The following TBCA variants were observed in gnomAD, a reference collection of about 807,000 sequenced individuals.
TBCA encodes tubulin folding cofactor A, also known as tubulin-specific chaperone A.
A neutral mutation model predicts 15.8 loss-of-function variants in TBCA; 6 were observed. That is an observed-to-expected ratio of 0.38 (90% CI 0.21 to 0.75). TBCA has a LOEUF of 0.75. TBCA is among the 30% of genes least tolerant of loss of function. The pLI is 0.46. For missense variants in TBCA, 90 were observed against 131.2 expected (o/e 0.69, Z 1.53); for synonymous variants, 32 against 42.3 (o/e 0.76, Z 0.94).
At chr5:77,709,554 G>C (rs1354585054) in intron 1 of TBCA, among the ~76,000 whole-genome samples, 2 of 152,204 alleles carry the variant, frequency 1.3e-5, no homozygotes, top group Non-Finnish European at 2.9e-5. Flanking sequence ...CAAGGATGCA[G>C]AGAAATTGGA....
chr5:77,696,859 C>T (rs903927683), intron 2 of TBCA, among the ~76,000 whole-genome samples: 2 of 152,130 alleles, frequency 1.3e-5, no homozygotes, highest in Non-Finnish European at 2.9e-5. Context: ...TGGGAGGTTA[C>T]AATGAGCTAT....
chr5:77,773,638 A>G (rs1178069164), intron 1 of TBCA, among the ~76,000 whole-genome samples: 2 of 152,208 alleles, frequency 1.3e-5, no homozygotes, highest in Non-Finnish European at 2.9e-5. Context: ...TCCTACTCAC[A>G]TGGTCTCCTT....
At chr5:77,747,577 C>G (rs1308714410) in intron 1 of TBCA, among the ~76,000 whole-genome samples, 1 of 152,054 alleles carries the variant, frequency 6.6e-6, no homozygotes. Flanking sequence ...CTTTAAAAGA[C>G]TAATGTCTAT....
intron 2 of TBCA, among the ~76,000 whole-genome samples, chr5:77,706,580 T>A (rs1195890231): frequency 6.6e-6 from 1 of 151,848 alleles, no homozygotes; most frequent in Non-Finnish European, 1.5e-5. Flanking sequence ...TTTGGGAGGC[T>A]AAGGTAGGCA....
intron 1 of TBCA, among the ~76,000 whole-genome samples, chr5:77,714,611 A>T (rs1181334820): frequency 2.0e-5 from 3 of 150,924 alleles, no homozygotes; most frequent in Non-Finnish European, 4.4e-5. Flanking sequence ...CTGTCGCCCA[A>T]GCTGGAGTGC....
intron 2 of TBCA, among the ~76,000 whole-genome samples, chr5:77,706,354 T>C (rs908420722): frequency 1.3e-5 from 2 of 152,202 alleles, no homozygotes; most frequent in African/African-American, 2.4e-5. Context: ...GTACATTTTA[T>C]AGAGATTTAT....
intron 2 of TBCA, among the ~76,000 whole-genome samples, chr5:77,703,922 T>C (rs1294107336): frequency 1.6e-5 from 2 of 127,586 alleles, no homozygotes; most frequent in Non-Finnish European, 3.5e-5. Flanking sequence ...GCTCTGATAG[T>C]GAGTGAGTTC....
intron 1 of TBCA, among the ~76,000 whole-genome samples, chr5:77,758,979 A>G (rs254385): frequency 0.41 from 62,393 of 152,000 alleles, 13,300 homozygotes; most frequent in Middle Eastern, 0.47. Flanking sequence ...TCTCCCTGGC[A>G]CCAACTGCCG....
chr5:77,733,475 C>T (rs1005378868), intron 1 of TBCA, among the ~76,000 whole-genome samples: 1 of 152,198 alleles, frequency 6.6e-6, no homozygotes, highest in African/African-American at 2.4e-5. Flanking sequence ...AGCCTTCTTG[C>T]TGACATGGAG....
intron 1 of TBCA, among the ~76,000 whole-genome samples, chr5:77,721,381 T>C (rs1345319506): frequency 6.6e-6 from 1 of 152,172 alleles, no homozygotes; most frequent in Non-Finnish European, 1.5e-5. Context: ...TAAGTCAAAA[T>C]GGTCCAAGAA....
At chr5:77,700,048 A>AG (rs1225143406) in intron 2 of TBCA, among the ~76,000 whole-genome samples, 2 of 150,062 alleles carry the variant, frequency 1.3e-5, no homozygotes, top group African/African-American at 4.9e-5. Context: ...AAAAAAAAAA[A>AG]AAGAAAATTA....
At chr5:77,772,372 C>A (rs1347671609) in intron 1 of TBCA, among the ~76,000 whole-genome samples, 1 of 151,932 alleles carries the variant, frequency 6.6e-6, no homozygotes, top group African/African-American at 2.4e-5. Flanking sequence ...GGGTTTAAAA[C>A]CTAGATGACG....
chr5:77,772,577 G>T (rs1747940050), intron 1 of TBCA, among the ~76,000 whole-genome samples: 1 of 151,980 alleles, frequency 6.6e-6, no homozygotes, highest in African/African-American at 2.4e-5. Context: ...AGACAATAGG[G>T]GACAATATTT....
At chr5:77,700,075 C>T (rs1199021433) in intron 2 of TBCA, among the ~76,000 whole-genome samples, 8 of 147,390 alleles carry the variant, frequency 5.4e-5, no homozygotes, top group South Asian at 4.3e-4. Context: ...CATGGTGGTG[C>T]ATGCCTGCAG....
intron 1 of TBCA, among the ~76,000 whole-genome samples, chr5:77,757,719 A>G (rs1344802873): frequency 2.0e-5 from 3 of 152,212 alleles, no homozygotes; most frequent in Non-Finnish European, 4.4e-5. Flanking sequence ...CATGAATTCA[A>G]AATATCTGAG....
rs200541652 is a variant in TBCA, at chr5:77,758,175, CATATTGTTTT to C, written c.53+18020_53+18029del. On this transcript the variant is annotated intron_variant, in intron 1 of 3. Coordinates refer to ENST00000380377, the MANE Select transcript of TBCA (RefSeq NM_004607.3). ...GCATGAGGGAAGAGAGAGACCCTCT[CATATTGTTTT>C]ATATTGTTTTATACTCAGTACCTGT... is the stretch of plus-strand genomic sequence containing the variant. Among the ~76,000 whole-genome samples, 832 of 152,124 alleles carry C rather than the reference CATATTGTTTT, an allele frequency of 5.5e-3. 2 individuals carry two copies. The highest frequency in any genetic ancestry group is 0.019 in the African/African-American group (770 of 41,476).
chr5:77,708,397 A>G (rs771645320), intron 1 of TBCA, 50 bp from the exon 2 acceptor site: 4 of 1,104,974 alleles, frequency 3.6e-6, no homozygotes, highest in East Asian at 2.4e-5. Context: ...TCTCCAGACC[A>G]TAAGAAAGAA....
rs188655089 is a variant in TBCA at position 77,715,372 on chromosome 5, T to C, written c.54-7025A>G. ...ACTGTGCTATAGGCCTGAAAAACAA[T>C]CAGTCTAAATGAGGATCTTAGTGTG... On this transcript the variant is annotated intron_variant, in intron 1 of 3. Coordinates refer to ENST00000380377, the MANE Select transcript of TBCA (RefSeq NM_004607.3). The C allele has an allele frequency of 3.4e-4, 230 of 684,408 alleles. No individual in the cohort carries two copies. The African/African-American group carries it at 3.5e-3, about 10-fold the overall frequency. 42.4% of individuals were successfully genotyped at this position (684,408 alleles called of 1,614,324 possible).
chr5:77,698,922 T>C (rs148569650), intron 2 of TBCA, among the ~76,000 whole-genome samples: 3 of 151,726 alleles, frequency 2.0e-5, no homozygotes, highest in Non-Finnish European at 2.9e-5. Context: ...CAAGGTGAGT[T>C]TGCAGGTTAC....
Sources: allele counts gnomAD v4.1 joint callset (sites outside exome capture counted in the v4.1 genomes callset), GRCh38; gene constraint gnomAD v4.1.1; transcripts MANE v1.5; gene names NCBI Gene and HGNC (gene_info 2026-07-23, HGNC 2026-07-21).